The following ACSBG1 variants were observed in gnomAD, a reference collection of about 807,000 sequenced individuals.
ACSBG1 encodes long-chain-fatty-acid--CoA ligase ACSBG1.
Under a neutral mutation model 80.2 loss-of-function variants are expected in ACSBG1, and 39 were observed. That is an observed-to-expected ratio of 0.49 (90% confidence interval 0.38 to 0.64). The LOEUF (loss-of-function observed/expected upper bound fraction) is 0.64, where lower values mean the gene tolerates loss of function less well. Ranked by LOEUF, ACSBG1 falls within the 30% of genes least tolerant of loss-of-function variation. The probability of loss-of-function intolerance (pLI) is 0.00; values close to 1 mark genes in which losing one functional copy is unlikely to be tolerated. For synonymous variants in ACSBG1, 392 were observed against 379.5 expected (o/e 1.03, Z -0.38); for missense variants, 828 against 966.4 (o/e 0.86, Z 1.90).
chr15:78,189,728 C>T (rs911099798), intron 5 of ACSBG1, among the ~76,000 whole-genome samples: 9 of 151,542 alleles, frequency 5.9e-5, no homozygotes, highest in African/African-American at 1.2e-4. Flanking sequence ...TGCTAAATGA[C>T]GAGTTAATGG....
rs1260044459 is a variant in ACSBG1, at chr15:78,182,748, A to G, written c.701T>C (p.Ile234Thr). 1 of 1,614,122 alleles carries G rather than the reference A, an allele frequency of 6.2e-7. No homozygotes were observed. The highest frequency in any genetic ancestry group is 1.3e-5 in the African/African-American group (1 of 74,936). ...CTTGTTTGGAGGAGGTTCTTTATAT[A>G]TCACGACTGCCTTTAGATGTGGCAA... The part of the protein sequence containing the change: ...KQLPHLKAVV[I>T]YKEPPPNKMA... Residue 234 changes from isoleucine to threonine, a missense_variant, in exon 6 of 14, where the codon ATA becomes ACA. Coordinates refer to ENST00000258873, the MANE Select transcript of ACSBG1 (RefSeq NM_015162.5).
chr15:78,181,926 T>G (rs775135000), intron 8 of ACSBG1, 43 bp downstream of exon 8: 1 of 1,594,996 alleles, frequency 6.3e-7, no homozygotes, highest in Non-Finnish European at 8.6e-7. Flanking sequence ...GGACGTGGCC[T>G]GGCACACGGG....
At chr15:78,181,038 A>G in intron 8 of ACSBG1, 102 bp from the exon 9 acceptor site, 2 of 1,354,004 alleles carry the variant, frequency 1.5e-6, no homozygotes, top group Non-Finnish European at 2.0e-6. Context: ...ACATGCTCCA[A>G]CGGGCACCCA....
intron 2 of ACSBG1, among the ~76,000 whole-genome samples, chr15:78,204,984 A>G (rs1283168901): frequency 1.3e-5 from 2 of 152,036 alleles, no homozygotes; most frequent in Non-Finnish European, 2.9e-5. Context: ...AAAGCTCCTT[A>G]GTGGGTGTGG....
At chr15:78,176,716 G>T (rs1425657242) in intron 11 of ACSBG1, among the ~76,000 whole-genome samples, 1 of 152,112 alleles carries the variant, frequency 6.6e-6, no homozygotes, top group Non-Finnish European at 1.5e-5. Context: ...CTTGAGCTCA[G>T]GAGCTCAAGA....
chr15:78,199,588 T>C (rs2075147173), intron 2 of ACSBG1, among the ~76,000 whole-genome samples: 2 of 151,870 alleles, frequency 1.3e-5, no homozygotes, highest in Admixed American at 6.6e-5. Flanking sequence ...AAGTAACGCA[T>C]ATGCTAATTA....
chr15:78,196,968 G>A (rs942686172), intron 2 of ACSBG1, among the ~76,000 whole-genome samples: 2 of 152,094 alleles, frequency 1.3e-5, no homozygotes, highest in Non-Finnish European at 2.9e-5. Flanking sequence ...GGAGGCTGAG[G>A]TGGGAGGATT....
At chr15:78,191,752 A>G (rs1183949361) in intron 5 of ACSBG1, among the ~76,000 whole-genome samples, 3 of 152,210 alleles carry the variant, frequency 2.0e-5, no homozygotes, top group Non-Finnish European at 4.4e-5. Context: ...AACATAACTG[A>G]AAGTAGTACC....
At chr15:78,208,874 T>C (rs781538154) in intron 1 of ACSBG1, among the ~76,000 whole-genome samples, 12 of 152,170 alleles carry the variant, frequency 7.9e-5, no homozygotes, top group Non-Finnish European at 1.6e-4. Context: ...TTCCTCAGAG[T>C]TCACCTGGCC....
At position 78,177,633 on chromosome 15, in the gene ACSBG1, T is replaced by A. The variant is rs1281011170; in HGVS notation, c.1702+981A>T. ...CACTGGAGGGTACCTCCAGGGCTCA[T>A]CAGCCTGCACATCCCAGGGCCCAAA... On this transcript the variant is annotated intron_variant, in intron 11 of 13. Transcript: ENST00000258873. This position sits in a 1 kb window ranked among gnomAD's most constrained non-coding sequence, Gnocchi z 4.1. 6.6e-6 allele frequency among the ~76,000 whole-genome samples: 1 copy of A among 152,164 alleles called. No homozygotes were observed.
At chr15:78,174,554 A>G in intron 11 of ACSBG1, 30 bp from the exon 12 acceptor site, 1 of 1,605,274 alleles carries the variant, frequency 6.2e-7, no homozygotes, top group Non-Finnish European at 8.5e-7. Flanking sequence ...CCCCCGGCAC[A>G]GAATGTAGTC....
rs981555733 is a variant in ACSBG1, at chr15:78,206,555, C to T, written c.232+1447G>A. On this transcript the variant is annotated intron_variant, in intron 2 of 13. Coordinates refer to ENST00000258873, the MANE Select transcript of ACSBG1 (RefSeq NM_015162.5). ...TTCCCAAAGTCCTGATACACTAGAT[C>T]GTGATGGCCTTGTCACCTCCCTTAC... is the stretch of plus-strand genomic sequence containing the variant. 3.9e-5 allele frequency among the ~76,000 whole-genome samples: 6 copies of T among 152,322 alleles called. No individual in the cohort carries two copies. The South Asian group carries it at 1.2e-3, about 32-fold the overall frequency.
chr15:78,178,561 C>T lies in ACSBG1; in HGVS notation c.1702+53G>A, dbSNP rs572576525. The T allele has an allele frequency of 3.2e-6, 5 of 1,547,790 alleles. No homozygotes were observed. In the East Asian group the frequency reaches 1.1e-4, roughly 35 times the overall value. The stretch of plus-strand genomic sequence containing the variant: ...AGACAATCTGCCCGCCTTGGCCTCC[C>T]AAAGTGCTGGGATTACAGGCATGAG... On this transcript the variant is annotated intron_variant, in intron 11 of 13. Transcript: ENST00000258873. This position sits in a 1 kb window ranked among gnomAD's most constrained non-coding sequence, Gnocchi z 4.3.
chr15:78,195,765 G>A (rs191492158), intron 2 of ACSBG1, among the ~76,000 whole-genome samples: 9 of 152,344 alleles, frequency 5.9e-5, no homozygotes, highest in Admixed American at 5.9e-4. Context: ...CTTGGGGCAA[G>A]GGTGGTGGTT....
chr15:78,207,434 G>A lies in ACSBG1; in HGVS notation c.232+568C>T, dbSNP rs567684361. ...CAATGTTGTTGTGCAGCCAATAAAA[G>A]TGCACAAAAGATGTATTATTATTAT... On this transcript the variant is annotated intron_variant, in intron 2 of 13. Transcript: ENST00000258873. Among the ~76,000 whole-genome samples, 11 of 152,278 alleles carry A rather than the reference G, an allele frequency of 7.2e-5. No individual in the cohort carries two copies. The East Asian group carries it at 2.1e-3, about 29-fold the overall frequency.
chr15:78,193,394 T>C (rs1186235842), intron 5 of ACSBG1, 112 bp downstream of exon 5: 3 of 1,463,986 alleles, frequency 2.0e-6, no homozygotes, highest in Admixed American at 4.3e-5. Flanking sequence ...AGGGTTGCCG[T>C]TGAGGATGAG....
At chr15:78,221,340 A>T (rs1400769150) in intron 1 of ACSBG1, among the ~76,000 whole-genome samples, 1 of 152,230 alleles carries the variant, frequency 6.6e-6, no homozygotes, top group Non-Finnish European at 1.5e-5. Flanking sequence ...AATCCGTGTC[A>T]TAAATAAGTT....
chr15:78,191,881 C>A (rs12438874), intron 5 of ACSBG1, among the ~76,000 whole-genome samples: 1 of 152,160 alleles, frequency 6.6e-6, no homozygotes, highest in African/African-American at 2.4e-5. Flanking sequence ...TTGTCTCCCC[C>A]TCCACAACCC....
chr15:78,207,917 T>TCCCCCCC, intron 2 of ACSBG1, 85 bp downstream of exon 2: 1 of 876,066 alleles, frequency 1.1e-6, no homozygotes. Flanking sequence ...TGTGTGGTGG[T>TCCCCCCC]CCCCCACACC....
Sources: gnomAD v4.1 joint callset for allele counts (sites outside exome capture counted in the v4.1 genomes callset) on GRCh38, gnomAD v4.1.1 for gene constraint, Gnocchi (gnomAD v3.1) non-coding constraint, MANE v1.5 for transcripts, NCBI Gene and HGNC (gene_info 2026-07-23, HGNC 2026-07-21) for gene names.